AKAP3: variants seen among roughly 807,000 people sequenced by gnomAD.
AKAP3 encodes A-kinase anchor protein 3.
A neutral mutation model predicts 57.2 loss-of-function variants in AKAP3; 27 were observed. The ratio of observed to expected loss-of-function variants is 0.47; its 90% CI spans 0.35 to 0.65. AKAP3 has a LOEUF of 0.65. Ranked by LOEUF, AKAP3 falls within the 30% of genes least tolerant of loss-of-function variation. The probability of loss-of-function intolerance (pLI) is 0.01; values close to 1 mark genes in which losing one functional copy is unlikely to be tolerated. For missense variants in AKAP3, 959 were observed against 1,040.0 expected, an observed-to-expected ratio of 0.92 and a Z score of 1.07; for synonymous variants, 334 against 392.3, an observed-to-expected ratio of 0.85 and a Z score of 1.76.
intron 3 of AKAP3, among the ~76,000 whole-genome samples, chr12:4,640,193 CA>C (rs1221938410): frequency 6.6e-6 from 1 of 151,820 alleles, no homozygotes; most frequent in Non-Finnish European, 1.5e-5. Flanking sequence ...TAAAAACAAA[CA>C]AAAAAAACTC....
intron 3 of AKAP3, among the ~76,000 whole-genome samples, chr12:4,639,517 G>A (rs1318715169): frequency 1.3e-5 from 2 of 151,976 alleles, no homozygotes; most frequent in African/African-American, 2.4e-5. Flanking sequence ...GTCTTGGTTT[G>A]CTGCCCCCAT....
chr12:4,626,719 G>A lies in AKAP3; in HGVS notation c.2183C>T (p.Ala728Val), dbSNP rs761134659. Residue 728 changes from alanine to valine, a missense_variant, in exon 5 of 6, where the codon GCT becomes GTT. Transcript: ENST00000228850. ...LPAKGTGSAE[A>V]VLQNAYQAIH... ...AGCTTGATAGGCATTCTGCAGGACA[G>A]CTTCTGCTGACCCTGTGCCCTTGGC... 6.2e-7 allele frequency: 1 copy of A among 1,614,116 alleles called. No individual in the cohort carries two copies. The highest frequency in any genetic ancestry group is 1.7e-5 in the Admixed American group (1 of 60,004).
intron 1 of AKAP3, among the ~76,000 whole-genome samples, chr12:4,648,297 C>A (rs1425899462): frequency 6.6e-6 from 1 of 152,174 alleles, no homozygotes; most frequent in Non-Finnish European, 1.5e-5. Flanking sequence ...GCACACATGG[C>A]CACTAAATTT....
chr12:4,627,029 C>T lies in AKAP3; in HGVS notation c.1873G>A (p.Asp625Asn), dbSNP rs1201298350. The change falls in exon 5 of 6, where the codon GAT becomes AAT. Residue 625 changes from aspartate (D) to asparagine (N), a missense_variant. Coordinates refer to ENST00000228850, the MANE Select transcript of AKAP3 (RefSeq NM_001278309.2). ...AACGGTCTTTCACACAACTTCCTAT[C>T]TTCCTTAACTGGCTGTTCCGGCACC... ...PKVPEQPVKE[D>N]RKLCERPLAS... 5.0e-6 allele frequency: 8 copies of T among 1,614,044 alleles called. No homozygotes were observed. Among genetic ancestry groups the T allele is most frequent in the Non-Finnish European group, 5.9e-6 (7 of 1,179,934 alleles).
chr12:4,642,043 C>G (rs1171538419), intron 2 of AKAP3, 39 bp from the exon 3 acceptor site: 1 of 152,154 alleles, frequency 6.6e-6, no homozygotes, highest in South Asian at 2.1e-4. Context: ...ACTAATTTTA[C>G]AGATGGAACG....
In AKAP3 at chr12:4,615,689, A is replaced by T; in HGVS notation, c.*50T>A. The T allele has an allele frequency of 1.3e-6, 2 of 1,585,584 alleles. No homozygotes were observed. The highest frequency in any genetic ancestry group is 1.1e-5 in the South Asian group (1 of 86,992). On this transcript the variant is annotated 3_prime_UTR_variant, in exon 6 of 6. Coordinates refer to ENST00000228850, the MANE Select transcript of AKAP3 (RefSeq NM_001278309.2). ...GTGGAAGTGAGAAAGAAGGGCGGGG[A>T]TAAGGGCCGGCCCCACTGCCAGAAG...
chr12:4,626,372 T>G (rs1022135941), intron 5 of AKAP3, 124 bp downstream of exon 5: 2 of 1,231,784 alleles, frequency 1.6e-6, no homozygotes, highest in Non-Finnish European at 2.2e-6. Flanking sequence ...GGCATGATCT[T>G]CAAATCCCAC....
In AKAP3 at chr12:4,624,824, G is replaced by GTGTGTGTGTGTGTGTGTGTA. The variant is rs143324716; in HGVS notation, c.2406+1671_2406+1672insTACACACACACACACACACA. Among the ~76,000 whole-genome samples the GTGTGTGTGTGTGTGTGTGTA allele has an allele frequency of 3.9e-3, 557 of 141,092 alleles. 18 individuals are homozygous for GTGTGTGTGTGTGTGTGTGTA. The East Asian group carries it at 0.056, about 14-fold the overall frequency. 92.6% of individuals were successfully genotyped at this position (141,092 alleles called of 152,430 possible). ...AGTAGACAAAGGTGTGTGTGTGTGT[G>GTGTGTGTGTGTGTGTGTGTA]TATATAAAAGTGGGGGACTGCAAGT... On this transcript the variant is annotated intron_variant, in intron 5 of 5. Transcript: ENST00000228850.
chr12:4,635,400 C>CT, intron 4 of AKAP3: 1 of 718,608 alleles, frequency 1.4e-6, no homozygotes, highest in Non-Finnish European at 2.4e-6. Flanking sequence ...GGCTACTCCT[C>CT]TTTTTCTGGC....
At position 4,631,515 on chromosome 12, in the gene AKAP3, C is replaced by T. The variant is rs1056572802; in HGVS notation, c.97-2710G>A. 10 of 580,688 alleles carry T rather than the reference C, an allele frequency of 1.7e-5. 1 individual carries two copies. The highest frequency in any genetic ancestry group is 3.0e-5 in the Non-Finnish European group (10 of 330,884). The allele number at this position is 580,688 out of a possible 1,614,324, so 36.0% of individuals were successfully genotyped here. A position where few individuals can be genotyped will look rare whatever the true frequency, so the allele number is the denominator to read the frequency against. On this transcript the variant is annotated intron_variant, in intron 4 of 5. Coordinates refer to ENST00000228850, the MANE Select transcript of AKAP3 (RefSeq NM_001278309.2). ...TTCAAAAAATGTTAGATGTAAGCAG[C>T]AATGTCTTCCCCCAGAGAGTATTAA...
Position 4,626,521 on chromosome 12 carries a change from C to T in AKAP3, c.2381G>A (p.Gly794Asp), listed in dbSNP as rs144371277. 1.1e-5 allele frequency: 18 copies of T among 1,614,062 alleles called. No homozygotes were observed. In the Admixed American group the frequency reaches 1.2e-4, roughly 10 times the overall value. The change falls in exon 5 of 6, where the codon GGT becomes GAT. Residue 794 changes from glycine to aspartate, a missense_variant. Physicochemically the swap from Gly to Asp is moderately conservative, Grantham distance 94. Transcript: ENST00000228850. Reference protein sequence around the residue: ...ELNVPILYFAGDDEGIQEKLL... With the variant: ...ELNVPILYFADDDEGIQEKLL... Reference sequence around the variant, plus strand: ...CTTCTCCTGGATCCCTTCATCATCACCAGCAAAATACAAAATAGGGACATT... The same window carrying T: ...CTTCTCCTGGATCCCTTCATCATCATCAGCAAAATACAAAATAGGGACATT...
intron 4 of AKAP3, among the ~76,000 whole-genome samples, chr12:4,630,388 G>A (rs140324685): frequency 1.5e-3 from 229 of 152,284 alleles, no homozygotes; most frequent in Non-Finnish European, 2.7e-3. Flanking sequence ...GTGGAGTTTC[G>A]TATTCAGATG....
intron 4 of AKAP3, among the ~76,000 whole-genome samples, chr12:4,634,694 TA>T (rs1945542035): frequency 6.6e-6 from 1 of 150,426 alleles, no homozygotes; most frequent in Admixed American, 6.7e-5. Flanking sequence ...CTCAAATTCC[TA>T]AAACAAGATG....
chr12:4,628,904 C>T, intron 4 of AKAP3, 99 bp from the exon 5 acceptor site: 1 of 1,285,696 alleles, frequency 7.8e-7, no homozygotes, highest in Non-Finnish European at 1.1e-6. Context: ...TCAGCCCTCT[C>T]AAGCTTGCTC....
rs1213012823 is a variant in AKAP3 at position 4,627,429 on chromosome 12, G to A, written c.1473C>T (p.Asp491=). 1 of 1,613,988 alleles carries A rather than the reference G, an allele frequency of 6.2e-7. No individual in the cohort carries two copies. Among genetic ancestry groups the A allele is most frequent in the Admixed American group, 1.7e-5 (1 of 60,006 alleles). Residue 491 remains aspartate, a synonymous_variant, in exon 5 of 6, where the codon GAC becomes GAT. Coordinates refer to ENST00000228850, the MANE Select transcript of AKAP3 (RefSeq NM_001278309.2). ...APNTQRKPAS[D]ISFEYPEDIG... ...TATCTTCAGGGTACTCAAAGGAAAT[G>A]TCTGATGCAGGCTTACGCTGTGTGT...
intron 5 of AKAP3, among the ~76,000 whole-genome samples, chr12:4,617,083 A>G (rs1397648950): frequency 6.6e-6 from 1 of 152,178 alleles, no homozygotes; most frequent in African/African-American, 2.4e-5. Context: ...AAATCTTAAA[A>G]GCATCCAGAG....
At chr12:4,634,143 T>C (rs1218182913) in intron 4 of AKAP3, among the ~76,000 whole-genome samples, 1 of 152,080 alleles carries the variant, frequency 6.6e-6, no homozygotes, top group African/African-American at 2.4e-5. Context: ...ATATGGTAGC[T>C]CTCATATAAG....
rs1275394084 is a variant in AKAP3 at position 4,628,752 on chromosome 12, C to T, written c.150G>A (p.Glu50=). Reference sequence around the variant, plus strand: ...CATCTTGGAACTCTGCTGTACTCTTCTCCAGGTCTCTGCGGAGCCAGCTGA... The same window carrying T: ...CATCTTGGAACTCTGCTGTACTCTTTTCCAGGTCTCTGCGGAGCCAGCTGA... ...RVLSWLRRDL[E]KSTAEFQDVR... Residue 50 remains glutamate (E), a synonymous_variant, in exon 5 of 6, where the codon GAG becomes GAA. Transcript: ENST00000228850. 2 of 1,613,978 alleles carry T rather than the reference C, an allele frequency of 1.2e-6. No individual in the cohort carries two copies.
intron 5 of AKAP3, among the ~76,000 whole-genome samples, chr12:4,616,617 A>G (rs2137421843): frequency 6.6e-6 from 1 of 152,364 alleles, no homozygotes; most frequent in South Asian, 2.1e-4. Flanking sequence ...AAACTGAAAC[A>G]GAAGAACCAA....
Sources: allele counts gnomAD v4.1 joint callset (sites outside exome capture counted in the v4.1 genomes callset), GRCh38; gene constraint gnomAD v4.1.1; transcripts MANE v1.5; gene names NCBI Gene and HGNC (gene_info 2026-07-23, HGNC 2026-07-21).